The following CLCN3 variants were observed in gnomAD, a reference collection of about 807,000 sequenced individuals.
CLCN3 encodes the protein Cl-/H+ antiporter 3.
Under a neutral mutation model 83.4 loss-of-function variants are expected in CLCN3, and 16 were observed. The ratio of observed to expected loss-of-function variants is 0.19; its 90% CI spans 0.13 to 0.29. The LOEUF (loss-of-function observed/expected upper bound fraction) is 0.29. CLCN3 is among the 10% of genes least tolerant of loss of function. The pLI is 1.00. For synonymous variants in CLCN3, 322 were observed against 346.2 expected, an observed-to-expected ratio of 0.93 and a Z score of 0.78; for missense variants, 544 against 1,006.0, an observed-to-expected ratio of 0.54 and a Z score of 6.21.
In CLCN3 at chr4:169,704,136, T is replaced by G; in HGVS notation, c.1702T>G (p.Cys568Gly). 6.2e-7 allele frequency: 1 copy of G among 1,613,956 alleles called. No individual in the cohort carries two copies. Among genetic ancestry groups the G allele is most frequent in the Non-Finnish European group, 8.5e-7 (1 of 1,180,000 alleles). ...FKEWCEVGAD[C>G]ITPGLYAMVG... Reference sequence around the variant, plus strand: ...GGAGTGGTGTGAGGTCGGGGCTGATTGCATTACACCTGGCCTTTATGCCAT... The same window carrying G: ...GGAGTGGTGTGAGGTCGGGGCTGATGGCATTACACCTGGCCTTTATGCCAT... The change falls in exon 10 of 13, where the codon TGC (cysteine) becomes GGC (glycine). Residue 568 changes from cysteine (C) to glycine (G), a missense_variant. Cys to Gly is a radical substitution (Grantham distance 159). Around this residue, in one of 6 missense-constraint regions of CLCN3, gnomAD observed 27 missense variants for 100.2 expected, o/e 0.27. Transcript: ENST00000513761.
At chr4:169,701,263 T>A (rs745422654) in intron 9 of CLCN3, among the ~76,000 whole-genome samples, 1 of 152,246 alleles carries the variant, frequency 6.6e-6, no homozygotes, top group Non-Finnish European at 1.5e-5. Flanking sequence ...TAACTCCTTA[T>A]ACATTCAAGT....
At chr4:169,702,745 TA>T in intron 9 of CLCN3, 1 of 199,676 alleles carries the variant, frequency 5.0e-6, no homozygotes. Context: ...AGTTAGAGAC[TA>T]ACCTGGGCAA....
chr4:169,716,724 C>T (rs1394198996), intron 12 of CLCN3, among the ~76,000 whole-genome samples: 1 of 152,014 alleles, frequency 6.6e-6, no homozygotes. Context: ...ATTCTCTATC[C>T]TCCTGCTCCC....
chr4:169,703,391 A>T (rs1159614672), intron 9 of CLCN3, among the ~76,000 whole-genome samples: 1 of 152,246 alleles, frequency 6.6e-6, no homozygotes, highest in Non-Finnish European at 1.5e-5. Context: ...TGTACCACTT[A>T]AGATGAATAG....
chr4:169,720,241 G>GT lies in CLCN3; in HGVS notation c.*245dup, dbSNP rs1362443035. 6.8e-6 allele frequency: 4 copies of GT among 592,498 alleles called. No homozygotes were observed. In the East Asian group the frequency reaches 8.6e-5, roughly 13 times the overall value. 36.7% of individuals were successfully genotyped at this position (592,498 alleles called of 1,614,324 possible). ...TATTTCCCGTCTAACAGAAAGCAGCGTATCAACTCCTATTGTTCTGCACTG... is the reference window on the plus strand; with the variant it reads ...TATTTCCCGTCTAACAGAAAGCAGCGTTATCAACTCCTATTGTTCTGCACTG... On this transcript the variant is annotated 3_prime_UTR_variant, in exon 13 of 13. Transcript: ENST00000513761.
chr4:169,695,245 G>A (rs1030361699), intron 7 of CLCN3, among the ~76,000 whole-genome samples: 13 of 152,124 alleles, frequency 8.5e-5, no homozygotes, highest in African/African-American at 2.9e-4. Flanking sequence ...TTGAAGAAAT[G>A]ATATCCTATT....
At chr4:169,714,771 T>G (rs1173582540) in intron 12 of CLCN3, among the ~76,000 whole-genome samples, 1 of 152,144 alleles carries the variant, frequency 6.6e-6, no homozygotes, top group Non-Finnish European at 1.5e-5. Flanking sequence ...AGTAAATCAT[T>G]AAAGAGATAA....
At position 169,659,980 on chromosome 4, in the gene CLCN3, G is replaced by T. The variant is rs184417219; in HGVS notation, c.161-20070G>T. 5.1e-5 allele frequency: 46 copies of T among 895,644 alleles called. No homozygotes were observed. The African/African-American group carries it at 6.9e-4, about 13-fold the overall frequency. 55.5% of individuals were successfully genotyped at this position (895,644 alleles called of 1,614,324 possible). A position where few individuals can be genotyped will look rare whatever the true frequency, so the allele number is the denominator to read the frequency against. On this transcript the variant is annotated intron_variant, in intron 2 of 12. Coordinates refer to ENST00000513761, the MANE Select transcript of CLCN3 (RefSeq NM_001829.4). ...CTTTATATTTATCTTAAAACCAAAA[G>T]AAATAATGTTTCTATTGTTTTACTG...
At chr4:169,712,369 T>A (rs1426829573) in intron 11 of CLCN3, among the ~76,000 whole-genome samples, 1 of 149,860 alleles carries the variant, frequency 6.7e-6, no homozygotes, top group East Asian at 1.9e-4. Context: ...TTCATTCAGA[T>A]TTTTTTTTTA....
At chr4:169,717,099 A>G (rs561127351) in intron 12 of CLCN3, among the ~76,000 whole-genome samples, 21 of 152,292 alleles carry the variant, frequency 1.4e-4, no homozygotes, top group African/African-American at 4.8e-4. Context: ...GCTTGATGTG[A>G]TAACAGTGAC....
At chr4:169,681,174 A>T (rs561277547) in intron 3 of CLCN3, among the ~76,000 whole-genome samples, 20 of 152,246 alleles carry the variant, frequency 1.3e-4, no homozygotes, top group Admixed American at 1.2e-3. Flanking sequence ...CAGCCTCCTG[A>T]GTAGCTGGAA....
chr4:169,675,113 C>T (rs1177161250), intron 2 of CLCN3, among the ~76,000 whole-genome samples: 1 of 152,196 alleles, frequency 6.6e-6, no homozygotes, highest in Non-Finnish European at 1.5e-5. Context: ...TAGAAGCAAA[C>T]ATTTATTAGT....
At position 169,711,959 on chromosome 4, in the gene CLCN3, G is replaced by A. The variant is rs72696650; in HGVS notation, c.2150-1120G>A. ...GGCTGACTGCAGCCCTGACCTTCCG[G>A]GCTCAAGTGATCTTTCCACCTCAGC... is the stretch of plus-strand genomic sequence containing the variant. On this transcript the variant is annotated intron_variant, in intron 11 of 12. Transcript: ENST00000513761. Among the ~76,000 whole-genome samples, 634 of 151,830 alleles carry A rather than the reference G, an allele frequency of 4.2e-3. 7 individuals carry two copies. The highest frequency in any genetic ancestry group is 0.035 in the South Asian group (170 of 4,796).
chr4:169,627,847 G>A (rs999879402), intron 1 of CLCN3, among the ~76,000 whole-genome samples: 29 of 151,986 alleles, frequency 1.9e-4, no homozygotes, highest in Admixed American at 6.6e-5. Flanking sequence ...ACATGAAAAG[G>A]CAATGAAAAA....
chr4:169,715,057 G>A (rs903171592), intron 12 of CLCN3, among the ~76,000 whole-genome samples: 11 of 152,052 alleles, frequency 7.2e-5, no homozygotes, highest in African/African-American at 2.7e-4. Flanking sequence ...TTTGCTTCAA[G>A]TTGTTTTCTG....
At chr4:169,705,449 C>T (rs1320136242) in intron 10 of CLCN3, among the ~76,000 whole-genome samples, 2 of 152,136 alleles carry the variant, frequency 1.3e-5, no homozygotes, top group Non-Finnish European at 2.9e-5. Flanking sequence ...AGTTTGATGA[C>T]TTTGAGAAAG....
chr4:169,679,299 C>T (rs979122905), intron 2 of CLCN3, among the ~76,000 whole-genome samples: 3 of 150,468 alleles, frequency 2.0e-5, no homozygotes, highest in African/African-American at 4.9e-5. Context: ...GATGGGCGGC[C>T]GGGCAGAGAC....
intron 1 of CLCN3, among the ~76,000 whole-genome samples, chr4:169,627,365 A>T (rs1773261441): frequency 6.6e-6 from 1 of 152,164 alleles, no homozygotes; most frequent in South Asian, 2.1e-4. Flanking sequence ...TTAAGTGCTT[A>T]CGGACTGTGT....
At position 169,702,253 on chromosome 4, in the gene CLCN3, G is replaced by A. The variant is rs189986211; in HGVS notation, c.1564-1745G>A. Among the ~76,000 whole-genome samples the A allele has an allele frequency of 1.3e-3, 199 of 152,208 alleles. 1 individual carries two copies. Among genetic ancestry groups the A allele is most frequent in the Non-Finnish European group, 2.5e-3 (170 of 68,004 alleles). On this transcript the variant is annotated intron_variant, in intron 9 of 12. Coordinates refer to ENST00000513761, the MANE Select transcript of CLCN3 (RefSeq NM_001829.4). ...GTTGGGAGGATGCCTGTCCTGCCCT[G>A]CTCATGCCTGACTAGCTACCTGCTG...
Sources: allele counts gnomAD v4.1 joint callset (sites outside exome capture counted in the v4.1 genomes callset), GRCh38; gene constraint gnomAD v4.1.1; regional missense constraint gnomAD v4.1.1; transcripts MANE v1.5; gene names NCBI Gene and HGNC (gene_info 2026-07-23, HGNC 2026-07-21).